CSMD1: variants seen among roughly 807,000 people sequenced by gnomAD.
CSMD1 encodes the protein CUB and sushi domain-containing protein 1.
In CSMD1, 213 loss-of-function variants were observed where a neutral mutation model predicts 417.5. The observed-to-expected ratio is 0.51, with a 90% CI of 0.46 to 0.57. The LOEUF is 0.57. Ranked by LOEUF, CSMD1 falls within the 20% of genes least tolerant of loss-of-function variation. The pLI, the probability that CSMD1 is intolerant of heterozygous loss-of-function variation, is 0.00. For missense variants in CSMD1, 6,923 were observed against 4,529.7 expected, an observed-to-expected ratio of 1.53 and a Z score of -15.17; for synonymous variants, 2,862 against 1,736.8, an observed-to-expected ratio of 1.65 and a Z score of -16.11.
intron 1 of CSMD1, among the ~76,000 whole-genome samples, chr8:4,719,203 G>T (rs1477106260): frequency 6.6e-6 from 1 of 152,138 alleles, no homozygotes; most frequent in Non-Finnish European, 1.5e-5. Flanking sequence ...TGCAGGGGTG[G>T]GGGAGACTAG....
At chr8:3,048,661 C>A (rs147546264) in intron 50 of CSMD1, among the ~76,000 whole-genome samples, 3 of 151,940 alleles carry the variant, frequency 2.0e-5, no homozygotes, top group Non-Finnish European at 4.4e-5. Context: ...AATTGTGGTG[C>A]CCTTGGGTTT....
chr8:4,866,484 G>T (rs1234035765), intron 1 of CSMD1, among the ~76,000 whole-genome samples: 1 of 151,686 alleles, frequency 6.6e-6, no homozygotes, highest in Non-Finnish European at 1.5e-5. Context: ...GTGCATTTTA[G>T]CATCTACTTT....
At chr8:3,220,665 T>C (rs760952696) in intron 28 of CSMD1, among the ~76,000 whole-genome samples, 1 of 152,146 alleles carries the variant, frequency 6.6e-6, no homozygotes, top group Admixed American at 6.6e-5. Flanking sequence ...ACCCTCTCTC[T>C]ACTAAAAATA....
chr8:3,318,824 A>G (rs577881886), intron 23 of CSMD1, among the ~76,000 whole-genome samples: 22 of 152,186 alleles, frequency 1.4e-4, no homozygotes, highest in Non-Finnish European at 3.1e-4. Flanking sequence ...ACCAAGAAAT[A>G]AATGCAGCTG....
chr8:4,047,781 A>T (rs977887724), intron 3 of CSMD1, among the ~76,000 whole-genome samples: 1 of 152,128 alleles, frequency 6.6e-6, no homozygotes, highest in African/African-American at 2.4e-5. Flanking sequence ...ATAGGTAGAG[A>T]ATGCAATTTT....
At chr8:3,407,557 G>T (rs1043147713) in intron 14 of CSMD1, among the ~76,000 whole-genome samples, 1 of 151,272 alleles carries the variant, frequency 6.6e-6, no homozygotes, top group African/African-American at 2.4e-5. Flanking sequence ...AAGAATAGAT[G>T]GAATAATGGT....
intron 1 of CSMD1, among the ~76,000 whole-genome samples, chr8:4,874,013 C>T (rs953668172): frequency 3.3e-5 from 5 of 152,066 alleles, no homozygotes; most frequent in South Asian, 2.1e-4. Context: ...GTGTTGTAAT[C>T]GCATGATTAG....
chr8:3,494,233 G>T (rs1796265685), intron 10 of CSMD1, among the ~76,000 whole-genome samples: 1 of 151,892 alleles, frequency 6.6e-6, no homozygotes, highest in Non-Finnish European at 1.5e-5. Context: ...AAGCCTGTAA[G>T]TTTTTTGTTT....
chr8:4,925,215 GTTTTTTTTTTTTT>G (rs10692207), intron 1 of CSMD1, among the ~76,000 whole-genome samples: 1 of 72,734 alleles, frequency 1.4e-5, no homozygotes, highest in Non-Finnish European at 2.3e-5. Context: ...CAGTTTTATG[GTTTTTTTTTTTTT>G]TTTTTTTTTT....
chr8:4,002,378 A>C (rs1248120298), intron 4 of CSMD1, among the ~76,000 whole-genome samples: 1 of 152,174 alleles, frequency 6.6e-6, no homozygotes, highest in Non-Finnish European at 1.5e-5. Context: ...GCAACATTTT[A>C]AACATAATAG....
intron 1 of CSMD1, among the ~76,000 whole-genome samples, chr8:4,990,532 T>G (rs986780528): frequency 1.3e-5 from 2 of 152,046 alleles, no homozygotes; most frequent in Non-Finnish European, 2.9e-5. Context: ...CCCAGCTAAT[T>G]TCGTATTTTT....
intron 3 of CSMD1, among the ~76,000 whole-genome samples, chr8:4,156,458 A>G (rs1796839915): frequency 6.6e-6 from 1 of 152,170 alleles, no homozygotes; most frequent in Non-Finnish European, 1.5e-5. Flanking sequence ...TATTGGTGCT[A>G]ACTCTTTTAT....
chr8:4,010,966 A>G (rs1461138464), intron 4 of CSMD1, among the ~76,000 whole-genome samples: 1 of 152,130 alleles, frequency 6.6e-6, no homozygotes, highest in Non-Finnish European at 1.5e-5. Flanking sequence ...ATCCCGCTTC[A>G]CTTTCTGTAT....
chr8:4,347,287 A>G (rs767290049), intron 3 of CSMD1, among the ~76,000 whole-genome samples: 1 of 152,142 alleles, frequency 6.6e-6, no homozygotes, highest in African/African-American at 2.4e-5. Context: ...GGCCCTCTCT[A>G]AACAGCAGCA....
intron 2 of CSMD1, among the ~76,000 whole-genome samples, chr8:4,507,597 C>T (rs1041265753): frequency 4.6e-5 from 7 of 151,974 alleles, no homozygotes; most frequent in African/African-American, 1.5e-4. Flanking sequence ...ATATAATGGG[C>T]CATTGGTGGA....
At chr8:4,448,522 ATAAGTTT>A (rs1563185418) in intron 2 of CSMD1, among the ~76,000 whole-genome samples, 1 of 152,214 alleles carries the variant, frequency 6.6e-6, no homozygotes, top group African/African-American at 2.4e-5. Context: ...AGATTAGTAC[ATAAGTTT>A]ACATAAATCA....
intron 2 of CSMD1, among the ~76,000 whole-genome samples, chr8:4,444,264 C>T (rs1471060677): frequency 7.1e-6 from 1 of 141,058 alleles, no homozygotes; most frequent in Non-Finnish European, 1.5e-5. Flanking sequence ...ATTGCTTGAA[C>T]CTGGGCTGGG....
At chr8:3,771,360 G>A (rs937523075) in intron 5 of CSMD1, among the ~76,000 whole-genome samples, 10 of 152,222 alleles carry the variant, frequency 6.6e-5, no homozygotes, top group Non-Finnish European at 1.2e-4. Context: ...AATTCAGACG[G>A]CATTGCTTCA....
chr8:4,308,939 A>G (rs1239421367), intron 3 of CSMD1, among the ~76,000 whole-genome samples: 1 of 152,196 alleles, frequency 6.6e-6, no homozygotes, highest in African/African-American at 2.4e-5. Context: ...TCCTTTTTTA[A>G]AGACTCTCAA....
Sources: allele counts gnomAD v4.1 joint callset (sites outside exome capture counted in the v4.1 genomes callset), GRCh38; gene constraint gnomAD v4.1.1; transcripts MANE v1.5; gene names NCBI Gene and HGNC (gene_info 2026-07-23, HGNC 2026-07-21).